LRRC41: variants seen among roughly 807,000 people sequenced by gnomAD.
The protein encoded by LRRC41 is leucine rich repeat containing 41, also known as leucine-rich repeat-containing protein 41.
In LRRC41, 17 loss-of-function variants were observed where a neutral mutation model predicts 72.1. The observed-to-expected ratio is 0.24, with a 90% CI of 0.16 to 0.35. LRRC41 has a LOEUF of 0.35. Ranked by LOEUF, LRRC41 falls within the 10% of genes least tolerant of loss-of-function variation. The pLI is 1.00. For missense variants in LRRC41, 759 were observed against 1,065.0 expected (o/e 0.71, Z 4.00); for synonymous variants, 427 against 431.0 (o/e 0.99, Z 0.11).
At chr1:46,281,509 A>T in intron 4 of LRRC41, 124 bp from the exon 5 acceptor site, 1 of 944,494 alleles carries the variant, frequency 1.1e-6, no homozygotes, top group Non-Finnish European at 1.6e-6. Context: ...CAGCTTATTT[A>T]AACCCATTTG....
chr1:46,301,064 G>A (rs1557720113), intron 1 of LRRC41, among the ~76,000 whole-genome samples: 1 of 152,142 alleles, frequency 6.6e-6, no homozygotes, highest in East Asian at 1.9e-4. Flanking sequence ...ATTGTTTTAG[G>A]GGGAAGAGGC....
intron 3 of LRRC41, among the ~76,000 whole-genome samples, chr1:46,289,086 A>C (rs1004820421): frequency 3.3e-5 from 5 of 152,198 alleles, no homozygotes; most frequent in African/African-American, 1.2e-4. Flanking sequence ...GCACAGGGGA[A>C]ATATAGGTTA....
rs189317850 is a variant in LRRC41 at position 46,285,975 on chromosome 1, A to G, written c.882T>C (p.Ala294=). ...CCATCAGGGCTGCAGCACATCGCTC[A>G]GCAGCATCCCGGCGGGGCCGACGTG... ...LGSRRPRRDA[A]ERCAAALMAS... The change falls in exon 4 of 10, where the codon GCT becomes GCC. Residue 294 remains alanine, a synonymous_variant. Coordinates refer to ENST00000617190, the MANE Select transcript of LRRC41 (RefSeq NM_006369.5). This position sits in a 1 kb window ranked among gnomAD's most constrained non-coding sequence, Gnocchi z 5.3. 7.6e-5 allele frequency: 117 copies of G among 1,543,450 alleles called. No homozygotes were observed. In the Middle Eastern group the frequency reaches 1.1e-3, roughly 14 times the overall value.
rs766417899 is a variant in LRRC41 at position 46,278,233 on chromosome 1, C to A, written c.*632G>T. ...TGGGATGCTGCCTCCACTGCCATCA[C>A]CTTCGTCTTCCACCAGCGTTCTCAT... On this transcript the variant is annotated 3_prime_UTR_variant, in exon 10 of 10. Coordinates refer to ENST00000617190, the MANE Select transcript of LRRC41 (RefSeq NM_006369.5). 1 of 1,613,918 alleles carries A rather than the reference C, an allele frequency of 6.2e-7. No individual in the cohort carries two copies.
At position 46,278,835 on chromosome 1, in the gene LRRC41, C is replaced by T. The variant is rs781467768; in HGVS notation, c.*30G>A. On this transcript the variant is annotated 3_prime_UTR_variant, in exon 10 of 10. Transcript: ENST00000617190. Reference sequence around the variant, plus strand: ...TTCAGCCCCTGCAAGCTGATGGTACCGAGCATGAGACTGTGAGGTACGGGC... The same window carrying T: ...TTCAGCCCCTGCAAGCTGATGGTACTGAGCATGAGACTGTGAGGTACGGGC... The T allele has an allele frequency of 1.6e-4, 257 of 1,595,186 alleles. No homozygotes were observed. Among genetic ancestry groups the T allele is most frequent in the Non-Finnish European group, 2.1e-4 (248 of 1,171,448 alleles).
intron 1 of LRRC41, chr1:46,301,983 TCC>T: frequency 1.0e-6 from 1 of 985,270 alleles, no homozygotes; most frequent in Non-Finnish European, 1.2e-6. Flanking sequence ...AGCCTCACTT[TCC>T]CCTCTTTCAC....
chr1:46,286,422 A>G lies in LRRC41; in HGVS notation c.435T>C (p.Ser145=). Residue 145 remains serine, a synonymous_variant, in exon 4 of 10, where the codon TCT becomes TCC. Coordinates refer to ENST00000617190, the MANE Select transcript of LRRC41 (RefSeq NM_006369.5). This position sits in a 1 kb window ranked among gnomAD's most constrained non-coding sequence, Gnocchi z 5.5. ...ACCGCTGATCACAAAGACGCCTGTCAGAAGACACATCAATGGTCCCACGTA... is the reference window on the plus strand; with the variant it reads ...ACCGCTGATCACAAAGACGCCTGTCGGAAGACACATCAATGGTCCCACGTA... ...HVLRGTIDVS[S]DRRLCDQRFS... 2 of 1,614,254 alleles carry G rather than the reference A, an allele frequency of 1.2e-6. No individual in the cohort carries two copies. The highest frequency in any genetic ancestry group is 1.7e-6 in the Non-Finnish European group (2 of 1,180,044).
Position 46,286,364 on chromosome 1 carries a change from G to C in LRRC41, c.493C>G (p.Arg165Gly). The C allele has an allele frequency of 1.2e-6, 2 of 1,614,184 alleles. No individual in the cohort carries two copies. The highest frequency in any genetic ancestry group is 1.7e-6 in the Non-Finnish European group (2 of 1,180,026). Residue 165 changes from arginine (R) to glycine (G), a missense_variant, in exon 4 of 10, where the codon CGA becomes GGA. Arg to Gly is a moderately radical substitution (Grantham distance 125, BLOSUM62 -2). This residue lies in a region of LRRC41 where 116 missense variants were observed against 250.9 expected (regional missense o/e 0.46). Coordinates refer to ENST00000617190, the MANE Select transcript of LRRC41 (RefSeq NM_006369.5). This position sits in a 1 kb window ranked among gnomAD's most constrained non-coding sequence, Gnocchi z 5.5. ...SPLLHSSRHV[R>G]QLTICNMLQG... ...AGCATGTTACAGATGGTGAGCTGTC[G>C]GACATGGCGGGAGCTGTGCAGAAGA... is the stretch of plus-strand genomic sequence containing the variant.
intron 3 of LRRC41, among the ~76,000 whole-genome samples, chr1:46,290,308 C>CT (rs2148320113): frequency 6.6e-6 from 1 of 152,228 alleles, no homozygotes; most frequent in African/African-American, 2.4e-5. Context: ...ACTTGGGAGG[C>CT]TGAGGTGGGA....
At chr1:46,283,514 TA>T (rs1424748916) in intron 4 of LRRC41, among the ~76,000 whole-genome samples, 1 of 152,104 alleles carries the variant, frequency 6.6e-6, no homozygotes, top group Non-Finnish European at 1.5e-5. Flanking sequence ...TATTGTGGGT[TA>T]TGAAGTTGTC....
chr1:46,294,442 C>T (rs1194046270), intron 3 of LRRC41, among the ~76,000 whole-genome samples: 2 of 151,988 alleles, frequency 1.3e-5, no homozygotes, highest in African/African-American at 4.8e-5. Context: ...TGGTTTTGCA[C>T]TGTCCCCCAG....
In LRRC41 at chr1:46,293,334, C is replaced by T. The variant is rs113626657; in HGVS notation, c.357+4229G>A. ...TGCTCACTGCAGCCTTGACCCCTGA[C>T]GCTCAATTGATCCTCCTGCCTCAGC... On this transcript the variant is annotated intron_variant, in intron 3 of 9. Coordinates refer to ENST00000617190, the MANE Select transcript of LRRC41 (RefSeq NM_006369.5). Among the ~76,000 whole-genome samples the T allele has an allele frequency of 6.7e-3, 1,022 of 152,008 alleles. 16 individuals carry two copies. The highest frequency in any genetic ancestry group is 0.023 in the African/African-American group (941 of 41,452).
chr1:46,286,075 G>A lies in LRRC41; in HGVS notation c.782C>T (p.Pro261Leu). ...AGFWQPGPGGPPCRLCGEASR... is the reference protein window; with the variant it reads ...AGFWQPGPGGLPCRLCGEASR... Reference sequence around the variant, plus strand: ...GGCCTCTCCACAGAGGCGGCAGGGTGGGCCACCAGGCCCTGGTTGCCAGAA... The same window carrying A: ...GGCCTCTCCACAGAGGCGGCAGGGTAGGCCACCAGGCCCTGGTTGCCAGAA... The change falls in exon 4 of 10, where the codon CCA becomes CTA. Residue 261 changes from proline to leucine, a missense_variant. Around this residue, in one of 4 missense-constraint regions of LRRC41, gnomAD observed 427 missense variants for 520.9 expected, o/e 0.82. Transcript: ENST00000617190. This position sits in a 1 kb window ranked among gnomAD's most constrained non-coding sequence, Gnocchi z 5.5. 6.2e-7 allele frequency: 1 copy of A among 1,610,052 alleles called. No individual in the cohort carries two copies. Among genetic ancestry groups the A allele is most frequent in the South Asian group, 1.1e-5 (1 of 90,952 alleles).
intron 3 of LRRC41, among the ~76,000 whole-genome samples, chr1:46,293,571 A>G (rs1220638692): frequency 6.6e-6 from 1 of 151,348 alleles, no homozygotes; most frequent in African/African-American, 2.4e-5. Context: ...TTTTTTGTTT[A>G]TTGGTTTTAT....
chr1:46,286,675 A>C lies in LRRC41; in HGVS notation c.358-176T>G, dbSNP rs1196165249. Among the ~76,000 whole-genome samples the C allele has an allele frequency of 6.6e-6, 1 of 152,202 alleles. No homozygotes were observed. ...CCTATTTTACAGGTAAAACCGAGGC[A>C]CAAAGAGGTGGCCACACAGGTAAGT... On this transcript the variant is annotated intron_variant, in intron 3 of 9. Transcript: ENST00000617190. The surrounding 1 kb of genome is among the most constrained non-coding windows in gnomAD (Gnocchi z 5.5).
At position 46,303,203 on chromosome 1, in the gene LRRC41, G is replaced by T; in HGVS notation, c.120C>A (p.Pro40=). Residue 40 remains proline (P), a synonymous_variant, in exon 1 of 10, where the codon CCC becomes CCA. Transcript: ENST00000617190. ...AAPAKSSASG[P]NAPPALFELC... ...GCTCGAACAGGGCGGGGGGAGCGTT[G>T]GGGCCCGAGGCCGAGCTCTTCGCTG... 1 of 1,569,620 alleles carries T rather than the reference G, an allele frequency of 6.4e-7. No individual in the cohort carries two copies. The highest frequency in any genetic ancestry group is 8.6e-7 in the Non-Finnish European group (1 of 1,162,112).
intron 3 of LRRC41, among the ~76,000 whole-genome samples, chr1:46,290,791 G>A (rs2148320507): frequency 6.6e-6 from 1 of 152,022 alleles, no homozygotes; most frequent in South Asian, 2.1e-4. Context: ...GTATTTTTTA[G>A]TAGACAGGGT....
intron 4 of LRRC41, 138 bp from the exon 5 acceptor site, chr1:46,281,523 T>A: frequency 1.2e-6 from 1 of 807,918 alleles, no homozygotes; most frequent in Non-Finnish European, 2.0e-6. Context: ...CCATTTGTCT[T>A]AACTACTCAT....
Position 46,286,456 on chromosome 1 carries a change from GA to G in LRRC41, c.400del (p.Ser134ProfsTer116), listed in dbSNP as rs1557715031. The stretch of plus-strand genomic sequence containing the variant: ...ATCAATGGTCCCACGTAGAACATGG[GA>G]AAAAAAGGCCTCCATAAACTTGGCT... Reference protein sequence around the residue: ...WRAKFMEAFFSHVLRGTIDVS... With the variant: ...WRAKFMEAFFXHVLRGTIDVS... On this transcript the variant is annotated frameshift_variant, in exon 4 of 10. Coordinates refer to ENST00000617190, the MANE Select transcript of LRRC41 (RefSeq NM_006369.5). LOFTEE classifies it high-confidence loss of function. This position sits in a 1 kb window ranked among gnomAD's most constrained non-coding sequence, Gnocchi z 5.5. The G allele has an allele frequency of 2.1e-5, 34 of 1,601,354 alleles. No homozygotes were observed. The highest frequency in any genetic ancestry group is 5.3e-5 in the Admixed American group (3 of 56,656).
Sources: gnomAD v4.1 joint callset for allele counts (sites outside exome capture counted in the v4.1 genomes callset) on GRCh38, gnomAD v4.1.1 for gene constraint, gnomAD v4.1.1 regional missense constraint, Gnocchi (gnomAD v3.1) non-coding constraint, MANE v1.5 for transcripts, NCBI Gene and HGNC (gene_info 2026-07-23, HGNC 2026-07-21) for gene names.